The following SLC6A2 variants were observed in gnomAD, a reference collection of about 807,000 sequenced individuals.
SLC6A2 encodes the protein solute carrier family 6 member 2.
SLC6A2 carries 26 observed loss-of-function variants against 71.7 expected under a neutral mutation model. The observed-to-expected ratio is 0.36, with a 90% CI of 0.27 to 0.50. SLC6A2 has a LOEUF of 0.50. Ranked by LOEUF, SLC6A2 falls within the 20% of genes least tolerant of loss-of-function variation. SLC6A2 has a pLI of 0.96. For synonymous variants in SLC6A2, 363 were observed against 337.9 expected (o/e 1.07, Z -0.82); for missense variants, 581 against 803.9 (o/e 0.72, Z 3.35).
chr16:55,687,226 G>A (rs1246771348), intron 5 of SLC6A2, among the ~76,000 whole-genome samples: 1 of 350 alleles, frequency 2.9e-3, no homozygotes, highest in Non-Finnish European at 0.018. Context: ...AAAAAGTCTA[G>A]ATAATAAGAG....
At chr16:55,657,049 A>G in intron 2 of SLC6A2, 81 bp downstream of exon 2, 3 of 1,511,250 alleles carry the variant, frequency 2.0e-6, no homozygotes, top group East Asian at 4.5e-5. Context: ...GCTGGAATAC[A>G]CACGGAAGGG....
chr16:55,693,368 T>TAAA (rs11473083), intron 6 of SLC6A2, among the ~76,000 whole-genome samples: 9 of 149,706 alleles, frequency 6.0e-5, no homozygotes, highest in East Asian at 5.9e-4. Flanking sequence ...AGACCCTGCT[T>TAAA]AAAAAAAAAA....
At chr16:55,682,904 G>A (rs16955599) in intron 4 of SLC6A2, among the ~76,000 whole-genome samples, 9,524 of 152,154 alleles carry the variant, frequency 0.063, 850 homozygotes, top group African/African-American at 0.19. Context: ...GTGAATTTGC[G>A]TGCAGTGTTG....
At chr16:55,668,177 G>C (rs1337973678) in intron 2 of SLC6A2, among the ~76,000 whole-genome samples, 1 of 152,078 alleles carries the variant, frequency 6.6e-6, no homozygotes, top group Non-Finnish European at 1.5e-5. Flanking sequence ...TCCTACTTAG[G>C]AGAGGCACCC....
At chr16:55,690,975 A>G (rs1348402745) in intron 5 of SLC6A2, among the ~76,000 whole-genome samples, 8 of 152,036 alleles carry the variant, frequency 5.3e-5, no homozygotes, top group African/African-American at 1.9e-4. Context: ...GTGTTTCTGA[A>G]TAAGGTACGT....
Position 55,694,048 on chromosome 16 carries a change from G to C in SLC6A2, c.957G>C (p.Leu319Phe). ...CCGCAACTCAGATATTTTTTTCCTT[G>C]GGGGCTGGATTTGGAGTATTGATTG... ...IDAATQIFFS[L>F]GAGFGVLIAF... Residue 319 changes from leucine (L) to phenylalanine (F), a missense_variant, in exon 7 of 15, where the codon TTG becomes TTC. Physicochemically the swap from Leu to Phe is conservative, Grantham distance 22. This residue lies in a region of SLC6A2 where 334 missense variants were observed against 449.0 expected (regional missense o/e 0.74). Coordinates refer to ENST00000568943, the MANE Select transcript of SLC6A2 (RefSeq NM_001172501.3). 6.2e-7 allele frequency: 1 copy of C among 1,613,800 alleles called. No homozygotes were observed. Among genetic ancestry groups the C allele is most frequent in the Non-Finnish European group, 8.5e-7 (1 of 1,179,728 alleles).
intron 6 of SLC6A2, among the ~76,000 whole-genome samples, chr16:55,693,599 G>T (rs1173391414): frequency 1.3e-5 from 2 of 152,228 alleles, no homozygotes; most frequent in African/African-American, 4.8e-5. Context: ...ATTGTCTATG[G>T]CTTGTAGAAG....
At chr16:55,680,420 C>G (rs1596982714) in intron 4 of SLC6A2, among the ~76,000 whole-genome samples, 2 of 152,136 alleles carry the variant, frequency 1.3e-5, no homozygotes, top group South Asian at 4.2e-4. Flanking sequence ...AGCAAGGAAG[C>G]CAGTCCAAGT....
At position 55,705,451 on chromosome 16, in the gene SLC6A2, G is replaced by A. The variant is rs922006405; in HGVS notation, c.*3105G>A. 5.0e-5 allele frequency: 28 copies of A among 558,962 alleles called. No homozygotes were observed. The highest frequency in any genetic ancestry group is 3.1e-4 in the Middle Eastern group (1 of 3,214). 34.6% of individuals were successfully genotyped at this position (558,962 alleles called of 1,614,324 possible). A position where few individuals can be genotyped will look rare whatever the true frequency, so the allele number is the denominator to read the frequency against. ...CTCACTTTATTTGTTTATTTCCTTCGAAAGCCACCGAAGAGAGAAAAACAG... is the reference window on the plus strand; with the variant it reads ...CTCACTTTATTTGTTTATTTCCTTCAAAAGCCACCGAAGAGAGAAAAACAG... On this transcript the variant is annotated 3_prime_UTR_variant, in exon 15 of 15. Transcript: ENST00000568943.
chr16:55,656,535 C>G lies in SLC6A2; in HGVS notation c.-51-109C>G, dbSNP rs149837833. The stretch of plus-strand genomic sequence containing the variant: ...CGCCCTTTTCTGGGAACCCTGCGTC[C>G]GCTCAGCGCGCGCTCATCCCAGTGT... On this transcript the variant is annotated intron_variant, in intron 1 of 14. Transcript: ENST00000568943. This position sits in a 1 kb window ranked among gnomAD's most constrained non-coding sequence, Gnocchi z 4.5. 168 of 879,830 alleles carry G rather than the reference C, an allele frequency of 1.9e-4. No individual in the cohort carries two copies. The highest frequency in any genetic ancestry group is 3.0e-4 in the Admixed American group (15 of 49,324). The allele number at this position is 879,830 out of a possible 1,614,324, so 54.5% of individuals were successfully genotyped here. A position where few individuals can be genotyped will look rare whatever the true frequency, so the allele number is the denominator to read the frequency against.
chr16:55,663,264 G>A (rs2142492624), intron 2 of SLC6A2, among the ~76,000 whole-genome samples: 1 of 152,320 alleles, frequency 6.6e-6, no homozygotes, highest in Admixed American at 6.5e-5. Context: ...GTTGGGAGGA[G>A]GGGCCTAGTG....
intron 2 of SLC6A2, among the ~76,000 whole-genome samples, chr16:55,662,323 G>T (rs1458735276): frequency 6.6e-6 from 1 of 152,190 alleles, no homozygotes; most frequent in South Asian, 2.1e-4. Flanking sequence ...CATCCTTCAT[G>T]TGAGTCACTG....
chr16:55,675,067 A>C (rs545099291), intron 4 of SLC6A2, among the ~76,000 whole-genome samples: 1 of 152,254 alleles, frequency 6.6e-6, no homozygotes, highest in Admixed American at 6.5e-5. Context: ...TGAGCTTATA[A>C]CCATCATTAT....
At chr16:55,666,970 ATTTG>A (rs1964767473) in intron 2 of SLC6A2, among the ~76,000 whole-genome samples, 5 of 151,226 alleles carry the variant, frequency 3.3e-5, no homozygotes, top group Middle Eastern at 3.4e-3. Flanking sequence ...TTTTTTGTTT[ATTTG>A]TTTGTTTTGT....
intron 5 of SLC6A2, among the ~76,000 whole-genome samples, chr16:55,686,509 G>T (rs1965456342): frequency 6.6e-6 from 1 of 152,192 alleles, no homozygotes; most frequent in African/African-American, 2.4e-5. Context: ...TTACACACAG[G>T]TGTGAGTTCA....
At position 55,691,926 on chromosome 16, in the gene SLC6A2, G is replaced by A; in HGVS notation, c.792G>A (p.Trp264Ter). 6.2e-7 allele frequency: 1 copy of A among 1,614,190 alleles called. No individual in the cohort carries two copies. Among genetic ancestry groups the A allele is most frequent in the Non-Finnish European group, 8.5e-7 (1 of 1,180,040 alleles). ...KGVKTSGKVV[W>*]ITATLPYFVL... is the part of the protein sequence containing the mutation. ...ACTTATCCATTGCCCAGGTGGTGTG[G>A]ATCACAGCCACGCTGCCTTACTTCG... The change falls in exon 6 of 15, where the codon TGG (tryptophan) becomes TGA (stop). Residue 264 changes from tryptophan to a stop codon, truncating the protein, a stop_gained. Transcript: ENST00000568943. LOFTEE classifies it high-confidence loss of function.
intron 4 of SLC6A2, among the ~76,000 whole-genome samples, chr16:55,674,744 A>G (rs910293719): frequency 1.3e-5 from 2 of 152,038 alleles, no homozygotes; most frequent in Admixed American, 6.6e-5. Flanking sequence ...TCTTTATCCA[A>G]TCCATCATTG....
rs755008593 is a variant in SLC6A2 at position 55,656,755 on chromosome 16, C to G, written c.61C>G (p.Pro21Ala). Residue 21 changes from proline (P) to alanine (A), a missense_variant, in exon 2 of 15, where the codon CCA (proline) becomes GCA (alanine). Physicochemically the swap from Pro to Ala is conservative, Grantham distance 27. This residue lies in a region of SLC6A2 where 76 missense variants were observed against 79.9 expected (regional missense o/e 0.95). Coordinates refer to ENST00000568943, the MANE Select transcript of SLC6A2 (RefSeq NM_001172501.3). The surrounding 1 kb of genome is among the most constrained non-coding windows in gnomAD (Gnocchi z 4.5). ...QPENNGADTGPEQPLRARKTA... is the reference protein window; with the variant it reads ...QPENNGADTGAEQPLRARKTA... ...CGAGAACAACGGGGCGGACACGGGTCCAGAGCAGCCCCTTCGGGCGCGCAA... is the reference window on the plus strand; with the variant it reads ...CGAGAACAACGGGGCGGACACGGGTGCAGAGCAGCCCCTTCGGGCGCGCAA... The G allele has an allele frequency of 1.9e-6, 3 of 1,612,998 alleles. No homozygotes were observed. The Admixed American group carries it at 5.0e-5, about 27-fold the overall frequency.
intron 7 of SLC6A2, among the ~76,000 whole-genome samples, chr16:55,694,832 TG>T (rs1227622646): frequency 6.6e-6 from 1 of 152,060 alleles, no homozygotes; most frequent in African/African-American, 2.4e-5. Flanking sequence ...CTGCATGCAC[TG>T]GGGGGAGAAG....
Sources: allele counts gnomAD v4.1 joint callset (sites outside exome capture counted in the v4.1 genomes callset), GRCh38; gene constraint gnomAD v4.1.1; regional missense constraint gnomAD v4.1.1; non-coding constraint Gnocchi (gnomAD v3.1); transcripts MANE v1.5; gene names NCBI Gene and HGNC (gene_info 2026-07-23, HGNC 2026-07-21).